Variants in TBC1D9B observed in about 807,000 individuals in gnomAD.
TBC1D9B encodes TBC1 domain family, member 9B (with GRAM domain).
TBC1D9B carries 87 observed loss-of-function variants against 121.1 expected under a neutral mutation model. The observed-to-expected ratio is 0.72, with a 90% confidence interval of 0.60 to 0.86. TBC1D9B has a LOEUF of 0.86. TBC1D9B is among the 40% of genes least tolerant of loss of function. The pLI, the probability that TBC1D9B is intolerant of heterozygous loss-of-function variation, is 0.00. For synonymous variants in TBC1D9B, 668 were observed against 670.1 expected, an observed-to-expected ratio of 1.00 and a Z score of 0.05; for missense variants, 1,540 against 1,628.6, an observed-to-expected ratio of 0.95 and a Z score of 0.94.
At chr5:179,876,361 G>A (rs1009744541) in intron 10 of TBC1D9B, among the ~76,000 whole-genome samples, 16 of 152,294 alleles carry the variant, frequency 1.1e-4, no homozygotes, top group African/African-American at 3.9e-4. Flanking sequence ...AGAAGGCACT[G>A]GGAAACCAGA....
rs1554098283 is a variant in TBC1D9B at position 179,904,220 on chromosome 5, C to CTTTCTTT, written c.229+481_229+482insAAAGAAA. ...CTGTCCCCATGACCAGTGGAGCTGC[C>CTTTCTTT]TTTTTTTTTTTTTTTTTTTTTTGAG... On this transcript the variant is annotated intron_variant, in intron 2 of 20. Coordinates refer to ENST00000355235, the MANE Select transcript of TBC1D9B (RefSeq NM_015043.4). The surrounding 1 kb of genome is among the most constrained non-coding windows in gnomAD (Gnocchi z 4.2). 3.8e-3 allele frequency among the ~76,000 whole-genome samples: 308 copies of CTTTCTTT among 80,876 alleles called. 42 individuals are homozygous for CTTTCTTT. The highest frequency in any genetic ancestry group is 0.015 in the Middle Eastern group (2 of 136). 53.1% of individuals were successfully genotyped at this position (80,876 alleles called of 152,430 possible).
At chr5:179,879,582 G>C (rs758028082) in intron 8 of TBC1D9B, 46 bp downstream of exon 8, 2 of 1,612,782 alleles carry the variant, frequency 1.2e-6, no homozygotes, top group Admixed American at 3.3e-5. Flanking sequence ...TCCTCCTGAG[G>C]GCTCCGCTCT....
At position 179,875,092 on chromosome 5, in the gene TBC1D9B, T is replaced by C. The variant is rs1379384418; in HGVS notation, c.1996A>G (p.Ile666Val). 6.2e-7 allele frequency: 1 copy of C among 1,614,006 alleles called. No individual in the cohort carries two copies. Among genetic ancestry groups the C allele is most frequent in the Middle Eastern group, 1.6e-4 (1 of 6,062 alleles). The change falls in exon 12 of 21, where the codon ATC becomes GTC. Residue 666 changes from isoleucine (I) to valine (V), a missense_variant. Physicochemically the swap from Ile to Val is conservative, Grantham distance 29. Coordinates refer to ENST00000355235, the MANE Select transcript of TBC1D9B (RefSeq NM_015043.4). The surrounding 1 kb of genome is among the most constrained non-coding windows in gnomAD (Gnocchi z 4.5). ...KMQDLGVISS[I>V]SLSWFLTLFL... ...AGGGTCAGGAACCAGGACAGCGAGA[T>C]GCTGGAGATCACCCCCAGGTCCTGC...
intron 14 of TBC1D9B, chr5:179,872,678 T>C: frequency 1.7e-6 from 1 of 572,312 alleles, no homozygotes; most frequent in Non-Finnish European, 3.1e-6. Context: ...AGCTTCCCGG[T>C]GACACATCCA....
intron 7 of TBC1D9B, among the ~76,000 whole-genome samples, chr5:179,880,331 C>G (rs2431123): frequency 0.55 from 83,273 of 152,178 alleles, 24,511 homozygotes; most frequent in East Asian, 0.77. Context: ...GGTGCCACAC[C>G]GGCCTGAGAG....
chr5:179,899,517 G>C (rs912568234), intron 2 of TBC1D9B, among the ~76,000 whole-genome samples: 1 of 152,174 alleles, frequency 6.6e-6, no homozygotes, highest in Non-Finnish European at 1.5e-5. Flanking sequence ...TAAACGTCCA[G>C]GCTGAATCAC....
chr5:179,875,316 A>T lies in TBC1D9B; in HGVS notation c.1901-129T>A. The T allele has an allele frequency of 1.3e-5, 15 of 1,191,498 alleles. No individual in the cohort carries two copies. Among genetic ancestry groups the T allele is most frequent in the Non-Finnish European group, 1.7e-5 (15 of 871,968 alleles). 73.8% of individuals were successfully genotyped at this position (1,191,498 alleles called of 1,614,324 possible). ...GCAGTGAGGGCTGAGGGAGACTTGG[A>T]GTGCTGGGAGAAAACAAGGACGAAA... On this transcript the variant is annotated intron_variant, in intron 11 of 20. Coordinates refer to ENST00000355235, the MANE Select transcript of TBC1D9B (RefSeq NM_015043.4). This position sits in a 1 kb window ranked among gnomAD's most constrained non-coding sequence, Gnocchi z 4.5.
chr5:179,902,851 CG>C lies in TBC1D9B; in HGVS notation c.229+1850del, dbSNP rs1229705545. On this transcript the variant is annotated intron_variant, in intron 2 of 20. Transcript: ENST00000355235. The surrounding 1 kb of genome is among the most constrained non-coding windows in gnomAD (Gnocchi z 4.9). ...CCACTCAGGCTCTGAAGCCAGAGAT[CG>C]GGGGTCTAACTGGGCTTCCCTGCTT... Among the ~76,000 whole-genome samples the C allele has an allele frequency of 1.3e-5, 2 of 152,168 alleles. No homozygotes were observed. The highest frequency in any genetic ancestry group is 4.8e-5 in the African/African-American group (2 of 41,450).
chr5:179,863,476 T>C lies in TBC1D9B; in HGVS notation c.3674A>G (p.Asp1225Gly). The C allele has an allele frequency of 3.7e-6, 6 of 1,614,142 alleles. No homozygotes were observed. The highest frequency in any genetic ancestry group is 5.1e-6 in the Non-Finnish European group (6 of 1,179,978). Residue 1225 changes from aspartate to glycine, a missense_variant, in exon 21 of 21, where the codon GAC becomes GGC. Physicochemically the swap from Asp to Gly is moderately conservative, Grantham distance 94. Coordinates refer to ENST00000355235, the MANE Select transcript of TBC1D9B (RefSeq NM_015043.4). This position sits in a 1 kb window ranked among gnomAD's most constrained non-coding sequence, Gnocchi z 4.5. ...GCCGGAAACTCCAGGCTGCTCATGGTCACTGGCGGTGCTGAACTGTCTCTC... is the reference window on the plus strand; with the variant it reads ...GCCGGAAACTCCAGGCTGCTCATGGCCACTGGCGGTGCTGAACTGTCTCTC... ...KVERQFSTAS[D>G]HEQPGVSG
chr5:179,870,526 G>A (rs1760160707), intron 15 of TBC1D9B, 31 bp from the exon 16 acceptor site: 2 of 1,582,960 alleles, frequency 1.3e-6, no homozygotes, highest in Non-Finnish European at 1.7e-6. Context: ...AGACGGTCCA[G>A]CCGCTAAGCC....
intron 3 of TBC1D9B, among the ~76,000 whole-genome samples, chr5:179,898,694 C>T (rs1306423280): frequency 1.3e-5 from 2 of 152,062 alleles, no homozygotes; most frequent in Non-Finnish European, 2.9e-5. Context: ...GATGATCCAC[C>T]CACCTCGGCC....
intron 16 of TBC1D9B, 26 bp downstream of exon 16, chr5:179,870,229 C>G: frequency 6.2e-7 from 1 of 1,612,072 alleles, no homozygotes; most frequent in Non-Finnish European, 8.5e-7. Flanking sequence ...AGGGTCAAGC[C>G]CCTGGTAGGC....
chr5:179,893,027 T>C (rs1760907992), intron 5 of TBC1D9B, among the ~76,000 whole-genome samples, 182 bp downstream of exon 5: 2 of 152,238 alleles, frequency 1.3e-5, no homozygotes, highest in Non-Finnish European at 2.9e-5. Context: ...TGCTATCTCC[T>C]GCTGCCTCTC....
intron 8 of TBC1D9B, 53 bp from the exon 9 acceptor site, chr5:179,879,250 G>A (rs1227616733): frequency 3.8e-6 from 6 of 1,568,712 alleles, no homozygotes; most frequent in Middle Eastern, 1.7e-4. Flanking sequence ...TCTGAGTGCC[G>A]AGGCCTAGGC....
At chr5:179,898,245 G>A (rs1273618902) in intron 3 of TBC1D9B, among the ~76,000 whole-genome samples, 3 of 150,772 alleles carry the variant, frequency 2.0e-5, no homozygotes, top group Non-Finnish European at 2.9e-5. Flanking sequence ...TCTGCTTCCC[G>A]GGTTTATGCC....
intron 17 of TBC1D9B, chr5:179,868,060 T>C (rs30384): frequency 0.13 from 52,720 of 405,846 alleles, 3,969 homozygotes; most frequent in Middle Eastern, 0.22. Context: ...TTTTTTTTAA[T>C]GGACTCTCAC....
At position 179,879,208 on chromosome 5, in the gene TBC1D9B, A is replaced by G; in HGVS notation, c.1417-11T>C. 1 of 1,596,846 alleles carries G rather than the reference A, an allele frequency of 6.3e-7. No homozygotes were observed. The highest frequency in any genetic ancestry group is 8.5e-7 in the Non-Finnish European group (1 of 1,177,998). Reference sequence around the variant, plus strand: ...CATCTTCTCCTTGGCCTGAGGGAAAAGCGCATCAGGGAGCCTGGGGGCCGA... The same window carrying G: ...CATCTTCTCCTTGGCCTGAGGGAAAGGCGCATCAGGGAGCCTGGGGGCCGA... On this transcript the variant is annotated splice_polypyrimidine_tract_variant and intron_variant, in intron 8 of 20. Transcript: ENST00000355235.
Position 179,891,592 on chromosome 5 carries a change from G to A in TBC1D9B, c.837-6C>T, listed in dbSNP as rs1028813978. ...TGGCTCGGGCGTCCAGGTCTCTGGG[G>A]AAACAAGGTAGGAGGACAGGAGGAA... On this transcript the variant is annotated splice_region_variant and splice_polypyrimidine_tract_variant and intron_variant, in intron 5 of 20. Coordinates refer to ENST00000355235, the MANE Select transcript of TBC1D9B (RefSeq NM_015043.4). This position sits in a 1 kb window ranked among gnomAD's most constrained non-coding sequence, Gnocchi z 4.3. 1.2e-5 allele frequency: 20 copies of A among 1,611,682 alleles called. No homozygotes were observed. The Admixed American group carries it at 2.3e-4, about 19-fold the overall frequency.
At position 179,867,400 on chromosome 5, in the gene TBC1D9B, A is replaced by G. The variant is rs1369131131; in HGVS notation, c.2863+378T>C. ...CCAGGCTTCCTGATAGTGCAGGAAG[A>G]GTGTTAGGAGGTACAGGGGGCGCCC... is the stretch of plus-strand genomic sequence containing the variant. On this transcript the variant is annotated intron_variant, in intron 18 of 20. Coordinates refer to ENST00000355235, the MANE Select transcript of TBC1D9B (RefSeq NM_015043.4). 1.6e-5 allele frequency: 25 copies of G among 1,523,794 alleles called. No individual in the cohort carries two copies. In the Middle Eastern group the frequency reaches 8.6e-4, roughly 52 times the overall value. The allele number at this position is 1,523,794 out of a possible 1,614,324, so 94.4% of individuals were successfully genotyped here. A position where few individuals can be genotyped will look rare whatever the true frequency, so the allele number is the denominator to read the frequency against.
Sources: allele counts gnomAD v4.1 joint callset (sites outside exome capture counted in the v4.1 genomes callset), GRCh38; gene constraint gnomAD v4.1.1; non-coding constraint Gnocchi (gnomAD v3.1); transcripts MANE v1.5; gene names NCBI Gene and HGNC (gene_info 2026-07-23, HGNC 2026-07-21).